SORCS3: variants seen among roughly 807,000 people sequenced by gnomAD.
SORCS3 encodes VPS10 domain-containing receptor SorCS3.
Under a neutral mutation model 146.3 loss-of-function variants are expected in SORCS3, and 57 were observed. That is an observed-to-expected ratio of 0.39 (90% CI 0.31 to 0.49). The LOEUF (loss-of-function observed/expected upper bound fraction) is 0.49. SORCS3 is among the 20% of genes least tolerant of loss of function. The probability of loss-of-function intolerance (pLI) is 0.92; values close to 1 mark genes in which losing one functional copy is unlikely to be tolerated. For missense variants in SORCS3, 1,341 were observed against 1,575.5 expected (o/e 0.85, Z 2.52); for synonymous variants, 653 against 618.5 (o/e 1.06, Z -0.83).
At chr10:104,901,593 C>A (rs928743751) in intron 2 of SORCS3, among the ~76,000 whole-genome samples, 1 of 152,190 alleles carries the variant, frequency 6.6e-6, no homozygotes, top group South Asian at 2.1e-4. Flanking sequence ...CTCAAACCTT[C>A]CCCTCACCTA....
chr10:104,877,115 T>A (rs116682750), intron 2 of SORCS3, among the ~76,000 whole-genome samples: 2,451 of 152,230 alleles, frequency 0.016, 67 homozygotes, highest in African/African-American at 0.056. Flanking sequence ...CCTCTCAAAG[T>A]GTTGAGATTA....
At chr10:105,045,037 A>AAAAAAAAAAAAAAGAAAGAAAG (rs796179490) in intron 5 of SORCS3, among the ~76,000 whole-genome samples, 16 of 128,744 alleles carry the variant, frequency 1.2e-4, no homozygotes, top group African/African-American at 2.2e-4. Flanking sequence ...AAAAAAAAAA[A>AAAAAAAAAAAAAAGAAAGAAAG]AAAAGAAAGA....
rs2056983409 is a variant in SORCS3, at chr10:105,265,003, A to G, written c.*1629A>G. ...AGAAATCTGGCTGGCTACAGTGTAG[A>G]TCAGTATTAGGAATATTTCTAAAGA... On this transcript the variant is annotated 3_prime_UTR_variant, in exon 27 of 27. Coordinates refer to ENST00000369701, the MANE Select transcript of SORCS3 (RefSeq NM_014978.3). 1 of 152,536 alleles carries G rather than the reference A, an allele frequency of 6.6e-6. No individual in the cohort carries two copies. Among genetic ancestry groups the G allele is most frequent in the Admixed American group, 6.5e-5 (1 of 15,278 alleles). The allele number at this position is 152,536 out of a possible 1,614,324, so 9.4% of individuals were successfully genotyped here.
intron 5 of SORCS3, among the ~76,000 whole-genome samples, chr10:105,085,535 A>T (rs1482591140): frequency 1.3e-5 from 2 of 152,210 alleles, no homozygotes; most frequent in African/African-American, 2.4e-5. Context: ...TTGAAGAAAG[A>T]TAATTAGGGT....
At chr10:104,933,919 C>T (rs1002874557) in intron 3 of SORCS3, among the ~76,000 whole-genome samples, 1 of 152,144 alleles carries the variant, frequency 6.6e-6, no homozygotes, top group South Asian at 2.1e-4. Flanking sequence ...CTCATCCTCT[C>T]GAGTAGCTGG....
intron 3 of SORCS3, among the ~76,000 whole-genome samples, chr10:104,971,800 A>G (rs1166043392): frequency 6.6e-6 from 1 of 152,192 alleles, no homozygotes; most frequent in Non-Finnish European, 1.5e-5. Flanking sequence ...GAGAAAATTG[A>G]GTATCCAAAT....
intron 1 of SORCS3, among the ~76,000 whole-genome samples, chr10:104,812,953 T>C (rs530976801): frequency 6.6e-6 from 1 of 152,330 alleles, no homozygotes; most frequent in Non-Finnish European, 1.5e-5. Context: ...CTATTTCTTT[T>C]CTGTGGCACT....
At chr10:104,881,781 A>G (rs1173257399) in intron 2 of SORCS3, among the ~76,000 whole-genome samples, 1 of 152,214 alleles carries the variant, frequency 6.6e-6, no homozygotes, top group Non-Finnish European at 1.5e-5. Flanking sequence ...GAGGTGTAAC[A>G]TCAGACTGCG....
At chr10:104,702,058 G>A (rs2016285812) in intron 1 of SORCS3, among the ~76,000 whole-genome samples, 1 of 152,052 alleles carries the variant, frequency 6.6e-6, no homozygotes, top group Admixed American at 6.6e-5. Flanking sequence ...TGAATGGGTG[G>A]GCCTGTGTTC....
chr10:105,222,206 C>G (rs957332236), intron 19 of SORCS3, among the ~76,000 whole-genome samples: 2 of 151,826 alleles, frequency 1.3e-5, no homozygotes, highest in Non-Finnish European at 2.9e-5. Context: ...TTAAAAGCGG[C>G]TGCCACCATG....
chr10:104,826,168 G>A (rs992883232), intron 1 of SORCS3, among the ~76,000 whole-genome samples: 4 of 152,076 alleles, frequency 2.6e-5, no homozygotes, highest in African/African-American at 9.7e-5. Flanking sequence ...TCTCCCTTTT[G>A]TCATAGTTAT....
At chr10:105,076,323 T>C (rs899881945) in intron 5 of SORCS3, among the ~76,000 whole-genome samples, 1 of 152,218 alleles carries the variant, frequency 6.6e-6, no homozygotes, top group Non-Finnish European at 1.5e-5. Context: ...TTAGAAATGA[T>C]GCCCAGTGTG....
chr10:104,922,761 G>C (rs2019099884), intron 3 of SORCS3, among the ~76,000 whole-genome samples: 1 of 138,748 alleles, frequency 7.2e-6, no homozygotes, highest in South Asian at 2.1e-4. Context: ...CCAGTTGGCA[G>C]CATGTGGCAT....
At chr10:104,776,221 G>A (rs2017306361) in intron 1 of SORCS3, among the ~76,000 whole-genome samples, 1 of 152,180 alleles carries the variant, frequency 6.6e-6, no homozygotes, top group Non-Finnish European at 1.5e-5. Context: ...AAGAGTTTCT[G>A]TGGGTCCATG....
intron 1 of SORCS3, among the ~76,000 whole-genome samples, chr10:104,729,114 T>C (rs891708187): frequency 1.3e-5 from 2 of 152,198 alleles, no homozygotes. Context: ...AGGCAAAAGA[T>C]TCTATAATAG....
At chr10:104,943,605 T>A (rs1015482588) in intron 3 of SORCS3, among the ~76,000 whole-genome samples, 1 of 152,170 alleles carries the variant, frequency 6.6e-6, no homozygotes, top group Non-Finnish European at 1.5e-5. Context: ...AGTTTATGGT[T>A]TATAGAATTA....
rs1246061920 is a variant in SORCS3, at chr10:105,227,583, A to G, written c.2868+4334A>G. Among the ~76,000 whole-genome samples the G allele has an allele frequency of 5.3e-5, 8 of 152,070 alleles. No homozygotes were observed. In the East Asian group the frequency reaches 1.5e-3, roughly 29 times the overall value. On this transcript the variant is annotated intron_variant, in intron 20 of 26. Coordinates refer to ENST00000369701, the MANE Select transcript of SORCS3 (RefSeq NM_014978.3). Reference sequence around the variant, plus strand: ...TCCATTTGGTCTAATGTGCAGTTTAAGTGAAATGTTTCTTTGTTTTCCGTC... The same window carrying G: ...TCCATTTGGTCTAATGTGCAGTTTAGGTGAAATGTTTCTTTGTTTTCCGTC...
intron 3 of SORCS3, among the ~76,000 whole-genome samples, chr10:104,973,023 C>A (rs2054870318): frequency 6.6e-6 from 1 of 152,094 alleles, no homozygotes; most frequent in South Asian, 2.1e-4. Flanking sequence ...ATTGAACCAG[C>A]CTTGCATTCC....
At chr10:105,241,355 AG>A (rs2056821867) in intron 20 of SORCS3, among the ~76,000 whole-genome samples, 1 of 152,196 alleles carries the variant, frequency 6.6e-6, no homozygotes, top group South Asian at 2.1e-4. Flanking sequence ...GTATCACCTC[AG>A]GGGGAGCGCA....
Sources: gnomAD v4.1 joint callset for allele counts (sites outside exome capture counted in the v4.1 genomes callset) on GRCh38, gnomAD v4.1.1 for gene constraint, MANE v1.5 for transcripts, NCBI Gene and HGNC (gene_info 2026-07-23, HGNC 2026-07-21) for gene names.